TBCE: variants seen among roughly 807,000 people sequenced by gnomAD.
TBCE encodes tubulin-specific chaperone E.
In TBCE, 53 loss-of-function variants were observed where a neutral mutation model predicts 77.0. That is an observed-to-expected ratio of 0.69 (90% CI 0.55 to 0.87). TBCE has a LOEUF of 0.87. Ranked by LOEUF, TBCE falls within the 40% of genes least tolerant of loss-of-function variation. The pLI is 0.00. For synonymous variants in TBCE, 235 were observed against 241.3 expected, an observed-to-expected ratio of 0.97 and a Z score of 0.24; for missense variants, 624 against 622.4, an observed-to-expected ratio of 1.00 and a Z score of -0.03.
At chr1:235,376,110 A>G (rs1214814561) in intron 1 of TBCE, among the ~76,000 whole-genome samples, 2 of 152,028 alleles carry the variant, frequency 1.3e-5, no homozygotes, top group Non-Finnish European at 2.9e-5. Context: ...TAGACCTTAT[A>G]CCTAATGATC....
intron 7 of TBCE, chr1:235,432,916 A>ATTT: frequency 2.5e-6 from 2 of 807,248 alleles, no homozygotes; most frequent in Non-Finnish European, 3.2e-6. Flanking sequence ...ATTTTTTGTA[A>ATTT]TTTTTTTTTT....
At chr1:235,438,467 G>T (rs1681605917) in intron 12 of TBCE, among the ~76,000 whole-genome samples, 1 of 151,726 alleles carries the variant, frequency 6.6e-6, no homozygotes, top group Non-Finnish European at 1.5e-5. Flanking sequence ...AGAATCACTT[G>T]AATCTGGGAG....
At chr1:235,424,656 C>T (rs928573127) in intron 5 of TBCE, among the ~76,000 whole-genome samples, 3 of 152,032 alleles carry the variant, frequency 2.0e-5, no homozygotes, top group Non-Finnish European at 4.4e-5. Flanking sequence ...CAGACATGTG[C>T]CACCATGCCT....
intron 2 of TBCE, among the ~76,000 whole-genome samples, chr1:235,389,996 C>T (rs1014755805): frequency 2.3e-4 from 35 of 151,598 alleles, no homozygotes; most frequent in African/African-American, 7.0e-4. Flanking sequence ...TTTTGTGGTG[C>T]GCTCCTGTAG....
intron 1 of TBCE, among the ~76,000 whole-genome samples, chr1:235,376,382 T>G (rs551436692): frequency 1.6e-4 from 25 of 152,144 alleles, no homozygotes; most frequent in Non-Finnish European, 2.5e-4. Flanking sequence ...GATGTAGTAG[T>G]ACCCTTAAGC....
intron 15 of TBCE, among the ~76,000 whole-genome samples, chr1:235,445,064 A>C (rs1255989791): frequency 1.3e-5 from 2 of 152,202 alleles, no homozygotes; most frequent in African/African-American, 2.4e-5. Context: ...TGTTTTTATT[A>C]ATCTTTGGGT....
intron 9 of TBCE, chr1:235,436,081 G>A: frequency 1.7e-6 from 1 of 603,578 alleles, no homozygotes; most frequent in Admixed American, 3.0e-5. Flanking sequence ...TGACCCTGGT[G>A]ATAATGCGGA....
chr1:235,419,941 C>T (rs111634035), intron 5 of TBCE, among the ~76,000 whole-genome samples: 50 of 152,114 alleles, frequency 3.3e-4, no homozygotes, highest in African/African-American at 1.0e-3. Flanking sequence ...AAAAATTAGC[C>T]GGGTGTGGTG....
rs374057618 is a variant in TBCE, at chr1:235,420,009, C to T, written c.460+448C>T. ...CTGAGGCAGGAGAATTGCTTGAACCCGCTAGGCGGAGGTTGCAGTGAGCTG... is the reference window on the plus strand; with the variant it reads ...CTGAGGCAGGAGAATTGCTTGAACCTGCTAGGCGGAGGTTGCAGTGAGCTG... On this transcript the variant is annotated intron_variant, in intron 5 of 16. Coordinates refer to ENST00000642610, the MANE Select transcript of TBCE (RefSeq NM_003193.5). Among the ~76,000 whole-genome samples, 9 of 151,848 alleles carry T rather than the reference C, an allele frequency of 5.9e-5. No individual in the cohort carries two copies. The East Asian group carries it at 1.6e-3, about 27-fold the overall frequency.
intron 3 of TBCE, among the ~76,000 whole-genome samples, chr1:235,410,237 ACT>A (rs766483103): frequency 3.3e-5 from 5 of 151,796 alleles, no homozygotes; most frequent in Non-Finnish European, 7.4e-5. Flanking sequence ...ACAGAGGGAG[ACT>A]CTATCTCCAA....
At chr1:235,430,084 A>G (rs976399476) in intron 6 of TBCE, 2 of 153,336 alleles carry the variant, frequency 1.3e-5, no homozygotes, top group African/African-American at 4.8e-5. Flanking sequence ...AAGCCGGTAG[A>G]CAGGCCTGAA....
chr1:235,443,090 C>A, intron 15 of TBCE, 179 bp downstream of exon 15: 1 of 659,036 alleles, frequency 1.5e-6, no homozygotes, highest in Admixed American at 2.8e-5. Context: ...CCCCCATGCC[C>A]CCAAAAGTTC....
intron 7 of TBCE, among the ~76,000 whole-genome samples, chr1:235,431,116 T>C (rs1200922142): frequency 3.3e-5 from 5 of 152,212 alleles, no homozygotes; most frequent in African/African-American, 7.2e-5. Context: ...GCCGTAGTGT[T>C]GGCTATTGAC....
intron 7 of TBCE, among the ~76,000 whole-genome samples, chr1:235,431,437 C>T (rs1681079348): frequency 6.6e-6 from 1 of 151,806 alleles, no homozygotes. Flanking sequence ...CCTTGGCTCA[C>T]TGCAACCTTT....
chr1:235,397,071 C>T lies in TBCE; in HGVS notation c.101-4432C>T, dbSNP rs543883317. Among the ~76,000 whole-genome samples, 93 of 152,064 alleles carry T rather than the reference C, an allele frequency of 6.1e-4. No individual in the cohort carries two copies. In the South Asian group the frequency reaches 0.019, roughly 31 times the overall value. ...CTCACTGCAACCTCCACCGCCCTGG[C>T]TCAAGCGATTCTTTTGCCTTAGCCT... On this transcript the variant is annotated intron_variant, in intron 2 of 16. Transcript: ENST00000642610.
chr1:235,378,216 G>T (rs1677414738), intron 1 of TBCE, among the ~76,000 whole-genome samples: 1 of 151,956 alleles, frequency 6.6e-6, no homozygotes, highest in Admixed American at 6.6e-5. Flanking sequence ...TCTTTTATTT[G>T]TGTTTTTTTG....
chr1:235,438,172 C>A (rs112728551), intron 12 of TBCE, among the ~76,000 whole-genome samples: 6 of 152,242 alleles, frequency 3.9e-5, no homozygotes, highest in Non-Finnish European at 5.9e-5. Flanking sequence ...CCAGAGCAGG[C>A]GCCTCCAGGC....
At chr1:235,414,657 T>C (rs1295672721) in intron 4 of TBCE, 39 bp downstream of exon 4, 7 of 1,599,922 alleles carry the variant, frequency 4.4e-6, no homozygotes, top group Non-Finnish European at 6.0e-6. Context: ...ACTTTTATGG[T>C]TTTATTAAGG....
intron 6 of TBCE, among the ~76,000 whole-genome samples, chr1:235,428,367 T>C (rs1358140555): frequency 1.3e-5 from 2 of 151,966 alleles, no homozygotes; most frequent in Non-Finnish European, 2.9e-5. Flanking sequence ...TGCTGCCAGC[T>C]TGCCTTTTTC....
Sources: gnomAD v4.1 joint callset for allele counts (sites outside exome capture counted in the v4.1 genomes callset) on GRCh38, gnomAD v4.1.1 for gene constraint, MANE v1.5 for transcripts, NCBI Gene and HGNC (gene_info 2026-07-23, HGNC 2026-07-21) for gene names.